The following MTSS1 variants were observed in gnomAD, a reference collection of about 807,000 sequenced individuals.
The protein encoded by MTSS1 is protein MTSS 1.
A neutral mutation model predicts 79.0 loss-of-function variants in MTSS1; 18 were observed. The observed-to-expected ratio is 0.23, with a 90% CI of 0.16 to 0.34. MTSS1 has a LOEUF of 0.34. MTSS1 is among the 10% of genes least tolerant of loss of function. The probability of loss-of-function intolerance (pLI) is 1.00; values close to 1 mark genes in which losing one functional copy is unlikely to be tolerated. For missense variants in MTSS1, 815 were observed against 986.2 expected, an observed-to-expected ratio of 0.83 and a Z score of 2.33; for synonymous variants, 341 against 368.6, an observed-to-expected ratio of 0.93 and a Z score of 0.86.
chr8:124,599,204 C>T (rs1035812717), intron 3 of MTSS1, among the ~76,000 whole-genome samples: 1 of 149,930 alleles, frequency 6.7e-6, no homozygotes, highest in African/African-American at 2.5e-5. Context: ...TCTAAGTAGC[C>T]GGGTGCGGTG....
At position 124,621,191 on chromosome 8, in the gene MTSS1, T is replaced by A. The variant is rs79647799; in HGVS notation, c.209-29956A>T. On this transcript the variant is annotated intron_variant, in intron 3 of 13. Coordinates refer to ENST00000518547, the MANE Select transcript of MTSS1 (RefSeq NM_014751.6). ...TCGCCATGACTCTGACCTTTAAATG[T>A]TGAACCAGAGATCTATTAAGGGCCA... 2.4e-3 allele frequency among the ~76,000 whole-genome samples: 359 copies of A among 152,372 alleles called. 9 individuals are homozygous for A. The East Asian group carries it at 0.058, about 24-fold the overall frequency.
In MTSS1 at chr8:124,606,608, T is replaced by G. The variant is rs139517046; in HGVS notation, c.209-15373A>C. 2.3e-3 allele frequency among the ~76,000 whole-genome samples: 357 copies of G among 152,316 alleles called. 2 individuals carry two copies. Among genetic ancestry groups the G allele is most frequent in the African/African-American group, 7.5e-3 (310 of 41,572 alleles). ...TCCATTCTTGGGGGCATCTCACTGT[T>G]GCCAGGACATTACCAACAGAAACAT... On this transcript the variant is annotated intron_variant, in intron 3 of 13. Transcript: ENST00000518547.
intron 10 of MTSS1, among the ~76,000 whole-genome samples, chr8:124,559,217 C>A (rs1457353935): frequency 1.3e-5 from 2 of 152,192 alleles, no homozygotes; most frequent in East Asian, 1.9e-4. Flanking sequence ...TCACGTGCCA[C>A]AGGCCCAGGT....
chr8:124,697,224 T>C lies in MTSS1; in HGVS notation c.208+2302A>G, dbSNP rs374520750. On this transcript the variant is annotated intron_variant, in intron 3 of 13. Coordinates refer to ENST00000518547, the MANE Select transcript of MTSS1 (RefSeq NM_014751.6). ...AGCCTCAAACATGCAATGCCAGATA[T>C]CTAAGTTCCTTAAAACAGTAGAGCA... 1.1e-4 allele frequency among the ~76,000 whole-genome samples: 16 copies of C among 150,272 alleles called. No individual in the cohort carries two copies. The South Asian group carries it at 3.4e-3, about 32-fold the overall frequency.
chr8:124,577,905 C>A (rs1415369861), intron 6 of MTSS1, among the ~76,000 whole-genome samples: 1 of 152,150 alleles, frequency 6.6e-6, no homozygotes, highest in Non-Finnish European at 1.5e-5. Context: ...CCATTGACTG[C>A]AGGTCTCAGG....
At chr8:124,610,465 G>A (rs976100623) in intron 3 of MTSS1, among the ~76,000 whole-genome samples, 4 of 152,184 alleles carry the variant, frequency 2.6e-5, no homozygotes, top group African/African-American at 9.7e-5. Flanking sequence ...AAAGAAGGGC[G>A]GGGAACCTAC....
At chr8:124,558,632 C>T (rs1200099873) in intron 10 of MTSS1, 66 of 1,429,898 alleles carry the variant, frequency 4.6e-5, no homozygotes, top group Non-Finnish European at 5.6e-5. Context: ...TCCAGGTTGC[C>T]GCGGCTGTGA....
At chr8:124,653,706 A>G (rs1182771674) in intron 3 of MTSS1, among the ~76,000 whole-genome samples, 1 of 151,750 alleles carries the variant, frequency 6.6e-6, no homozygotes, top group Non-Finnish European at 1.5e-5. Flanking sequence ...CCTGGGCAAC[A>G]GAGCAAGACT....
At chr8:124,557,079 C>T (rs1298834043) in intron 11 of MTSS1, among the ~76,000 whole-genome samples, 3 of 152,188 alleles carry the variant, frequency 2.0e-5, no homozygotes, top group African/African-American at 7.2e-5. Context: ...GAGCATTGAT[C>T]GGACTTGCTA....
intron 3 of MTSS1, among the ~76,000 whole-genome samples, chr8:124,603,266 T>TTTGTTCGGTAAATAAGATTTTACAAAG (rs1834240210): frequency 6.6e-6 from 1 of 152,190 alleles, no homozygotes. Context: ...CCTCAAGTGA[T>TTTGTTCGGTAAATAAGATTTTACAAAG]CTGCCCGCCT....
chr8:124,702,779 C>G (rs1252937504), intron 2 of MTSS1, among the ~76,000 whole-genome samples: 1 of 152,176 alleles, frequency 6.6e-6, no homozygotes, highest in Middle Eastern at 3.2e-3. Context: ...CCAATGACAT[C>G]CCCTACATGC....
chr8:124,564,302 G>A (rs951315098), intron 9 of MTSS1, among the ~76,000 whole-genome samples: 1 of 152,154 alleles, frequency 6.6e-6, no homozygotes, highest in Admixed American at 6.5e-5. Context: ...AAAAGTCATG[G>A]TTTCTGCTCC....
chr8:124,634,955 T>A (rs1816723307), intron 3 of MTSS1, among the ~76,000 whole-genome samples: 1 of 152,238 alleles, frequency 6.6e-6, no homozygotes, highest in African/African-American at 2.4e-5. Context: ...TTTTAAAACA[T>A]TACTAGTCTT....
chr8:124,619,986 T>C (rs904061752), intron 3 of MTSS1, among the ~76,000 whole-genome samples: 7 of 151,698 alleles, frequency 4.6e-5, no homozygotes, highest in Non-Finnish European at 8.8e-5. Context: ...AGTTTTGCTC[T>C]TCTTGGCCGG....
intron 3 of MTSS1, among the ~76,000 whole-genome samples, chr8:124,602,865 A>G (rs1053504366): frequency 2.0e-5 from 3 of 152,156 alleles, no homozygotes; most frequent in Non-Finnish European, 4.4e-5. Context: ...ACCTTGGTCT[A>G]ATTATTGTGC....
rs760120975 is a variant in MTSS1, at chr8:124,589,726, G to C, written c.294-15C>G. ...CAATTAAAGCGCTTTTACCAAGCGG[G>C]GGGGAAAAAGGGAGAAATTAAATAG... On this transcript the variant is annotated splice_polypyrimidine_tract_variant and intron_variant, in intron 4 of 13. Coordinates refer to ENST00000518547, the MANE Select transcript of MTSS1 (RefSeq NM_014751.6). The C allele has an allele frequency of 9.8e-6, 15 of 1,527,936 alleles. No homozygotes were observed. The African/African-American group carries it at 1.9e-4, about 20-fold the overall frequency. 94.6% of individuals were successfully genotyped at this position (1,527,936 alleles called of 1,614,324 possible). A position where few individuals can be genotyped will look rare whatever the true frequency, so the allele number is the denominator to read the frequency against.
intron 6 of MTSS1, among the ~76,000 whole-genome samples, chr8:124,570,720 G>A (rs1044764063): frequency 6.6e-6 from 1 of 152,078 alleles, no homozygotes; most frequent in Non-Finnish European, 1.5e-5. Flanking sequence ...TCTCCTTTTT[G>A]GAGACAGAGT....
At chr8:124,561,983 G>T (rs1011176042) in intron 10 of MTSS1, among the ~76,000 whole-genome samples, 1 of 152,164 alleles carries the variant, frequency 6.6e-6, no homozygotes, top group Non-Finnish European at 1.5e-5. Flanking sequence ...GGAGAGGAAC[G>T]CAGAGCTCTG....
At position 124,615,469 on chromosome 8, in the gene MTSS1, C is replaced by CA. The variant is rs1421718196; in HGVS notation, c.209-24235dup. Among the ~76,000 whole-genome samples, 4 of 152,242 alleles carry CA rather than the reference C, an allele frequency of 2.6e-5. No individual in the cohort carries two copies. The East Asian group carries it at 7.7e-4, about 29-fold the overall frequency. On this transcript the variant is annotated intron_variant, in intron 3 of 13. Coordinates refer to ENST00000518547, the MANE Select transcript of MTSS1 (RefSeq NM_014751.6). ...AATGCTAAGTGAAATAAGCCCGCCA[C>CA]AAAAGGACAGATACTGTGATTCCAC...
Sources: allele counts gnomAD v4.1 joint callset (sites outside exome capture counted in the v4.1 genomes callset), GRCh38; gene constraint gnomAD v4.1.1; transcripts MANE v1.5; gene names NCBI Gene and HGNC (gene_info 2026-07-23, HGNC 2026-07-21).